COL14A1: variants seen among roughly 807,000 people sequenced by gnomAD.
The protein encoded by COL14A1 is collagen alpha-1(XIV) chain.
Under a neutral mutation model 230.3 loss-of-function variants are expected in COL14A1, and 136 were observed. That is an observed-to-expected ratio of 0.59 (90% CI 0.51 to 0.68). The LOEUF (loss-of-function observed/expected upper bound fraction) is 0.68, where lower values mean the gene tolerates loss of function less well. COL14A1 is among the 30% of genes least tolerant of loss of function. COL14A1 has a pLI of 0.00. For missense variants in COL14A1, 1,976 were observed against 2,215.8 expected (o/e 0.89, Z 2.17); for synonymous variants, 792 against 784.1 (o/e 1.01, Z -0.17).
chr8:120,278,381 GA>G, intron 27 of COL14A1, 53 bp from the exon 28 acceptor site: 1 of 1,574,650 alleles, frequency 6.4e-7, no homozygotes. Flanking sequence ...TTCTTCTCCA[GA>G]AAAACAAAAA....
At chr8:120,364,742 G>T (rs1823347984) in intron 45 of COL14A1, among the ~76,000 whole-genome samples, 1 of 152,004 alleles carries the variant, frequency 6.6e-6, no homozygotes, top group Non-Finnish European at 1.5e-5. Flanking sequence ...AATTAGCCAA[G>T]CGTCGTGTCA....
chr8:120,336,900 T>G (rs1210492012), intron 42 of COL14A1, among the ~76,000 whole-genome samples: 1 of 152,170 alleles, frequency 6.6e-6, no homozygotes, highest in African/African-American at 2.4e-5. Context: ...AATCCTTCTT[T>G]AAGGCTGCAC....
intron 34 of COL14A1, among the ~76,000 whole-genome samples, chr8:120,293,903 G>A (rs552822621): frequency 1.3e-5 from 2 of 151,892 alleles, no homozygotes; most frequent in South Asian, 4.2e-4. Context: ...CAGTGCCTTC[G>A]TGGTTTCCCT....
chr8:120,127,616 G>A (rs79038005), intron 1 of COL14A1, among the ~76,000 whole-genome samples: 3,608 of 152,294 alleles, frequency 0.024, 58 homozygotes, highest in African/African-American at 0.035. Context: ...TGATTTGAGG[G>A]GCTCTAGGGA....
chr8:120,262,444 C>G (rs1419363595), intron 23 of COL14A1, among the ~76,000 whole-genome samples: 2 of 151,890 alleles, frequency 1.3e-5, no homozygotes, highest in Non-Finnish European at 2.9e-5. Flanking sequence ...TGCACTCCAG[C>G]CTGGATGACA....
At chr8:120,211,881 A>G (rs555503904) in intron 12 of COL14A1, among the ~76,000 whole-genome samples, 1 of 152,330 alleles carries the variant, frequency 6.6e-6, no homozygotes, top group Admixed American at 6.5e-5. Flanking sequence ...TCAAAAAAGC[A>G]AATTGCCAAG....
intron 8 of COL14A1, 74 bp from the exon 9 acceptor site, chr8:120,203,635 G>C: frequency 1.4e-6 from 2 of 1,474,686 alleles, no homozygotes; most frequent in South Asian, 2.6e-5. Context: ...GACTGGGTCA[G>C]ATCAGGCCCA....
rs576599757 is a variant in COL14A1 at position 120,325,721 on chromosome 8, G to C, written c.4660-6420G>C. Among the ~76,000 whole-genome samples the C allele has an allele frequency of 3.3e-4, 50 of 152,202 alleles. 3 individuals carry two copies. Among genetic ancestry groups the C allele is most frequent in the African/African-American group, 1.2e-3 (49 of 41,530 alleles). On this transcript the variant is annotated intron_variant, in intron 40 of 47. Transcript: ENST00000297848. ...TTGTTCAGGCTGGTCCGGAACCCCCGACCTCCAGTGATCCACCCTCCTTGG... is the reference window on the plus strand; with the variant it reads ...TTGTTCAGGCTGGTCCGGAACCCCCCACCTCCAGTGATCCACCCTCCTTGG...
At chr8:120,278,612 T>C (rs768174476) in intron 28 of COL14A1, 34 bp downstream of exon 28, 1 of 1,591,044 alleles carries the variant, frequency 6.3e-7, no homozygotes, top group Non-Finnish European at 8.6e-7. Context: ...CTACCAAATA[T>C]GATGTTAGAA....
intron 25 of COL14A1, among the ~76,000 whole-genome samples, chr8:120,269,202 C>T (rs550449834): frequency 6.6e-6 from 1 of 151,860 alleles, no homozygotes; most frequent in South Asian, 2.1e-4. Flanking sequence ...AAATTGTTTG[C>T]TTCATCATAA....
chr8:120,309,160 C>T (rs540824965), intron 36 of COL14A1, among the ~76,000 whole-genome samples: 24 of 152,326 alleles, frequency 1.6e-4, no homozygotes, highest in African/African-American at 5.5e-4. Context: ...TGGTCTCGAT[C>T]TCCTGACCTC....
At chr8:120,340,410 G>A (rs1822253734) in intron 42 of COL14A1, among the ~76,000 whole-genome samples, 1 of 152,172 alleles carries the variant, frequency 6.6e-6, no homozygotes. Flanking sequence ...TGGGCAACTG[G>A]TCACTGACTA....
chr8:120,338,419 C>G (rs1822159066), intron 42 of COL14A1, among the ~76,000 whole-genome samples: 1 of 152,138 alleles, frequency 6.6e-6, no homozygotes, highest in South Asian at 2.1e-4. Context: ...GTTCAGGTCC[C>G]TGGTTTTTTC....
At chr8:120,287,858 T>A (rs892919297) in intron 33 of COL14A1, among the ~76,000 whole-genome samples, 2 of 152,142 alleles carry the variant, frequency 1.3e-5, no homozygotes, top group African/African-American at 4.8e-5. Flanking sequence ...AAATACTTTA[T>A]CTTAATTTCT....
rs1819580253 is a variant in COL14A1 at position 120,269,008 on chromosome 8, A to C, written c.3074-1027A>C. ...ACCTTATCAGATCCTTACTGCCCCTAAAGTATTAGCTCACTTGGAGATGGT... is the reference window on the plus strand; with the variant it reads ...ACCTTATCAGATCCTTACTGCCCCTCAAGTATTAGCTCACTTGGAGATGGT... On this transcript the variant is annotated intron_variant, in intron 25 of 47. Transcript: ENST00000297848. Among the ~76,000 whole-genome samples, 6 of 151,834 alleles carry C rather than the reference A, an allele frequency of 4.0e-5. No homozygotes were observed. The South Asian group carries it at 1.2e-3, about 31-fold the overall frequency.
At chr8:120,298,597 TTATATATATATATATA>T (rs59846403) in intron 35 of COL14A1, among the ~76,000 whole-genome samples, 15,814 of 58,100 alleles carry the variant, frequency 0.27, 1,819 homozygotes, top group Middle Eastern at 0.43. Flanking sequence ...CCCATATATT[TTATATATATATATATA>T]TATATATATA....
intron 14 of COL14A1, among the ~76,000 whole-genome samples, chr8:120,224,817 C>T (rs1818044277): frequency 6.6e-6 from 1 of 152,172 alleles, no homozygotes; most frequent in South Asian, 2.1e-4. Context: ...AACATTATCT[C>T]TATTTATGTC....
At chr8:120,370,918 T>A (rs2130408471) in intron 47 of COL14A1, 1 of 1,181,158 alleles carries the variant, frequency 8.5e-7, no homozygotes, top group East Asian at 3.0e-5. Context: ...AATATTTAAA[T>A]GGTTGGTTAT....
intron 46 of COL14A1, among the ~76,000 whole-genome samples, chr8:120,368,441 A>G (rs559521827): frequency 1.1e-3 from 175 of 152,258 alleles, no homozygotes; most frequent in African/African-American, 3.0e-3. Context: ...GTGGTTGGTG[A>G]GTGCTGATTG....
Sources: gnomAD v4.1 joint callset for allele counts (sites outside exome capture counted in the v4.1 genomes callset) on GRCh38, gnomAD v4.1.1 for gene constraint, MANE v1.5 for transcripts, NCBI Gene and HGNC (gene_info 2026-07-23, HGNC 2026-07-21) for gene names.